NR2F2: variants seen among roughly 807,000 people sequenced by gnomAD.
NR2F2 encodes the protein nuclear receptor subfamily 2 group F member 2.
Under a neutral mutation model 34.8 loss-of-function variants are expected in NR2F2, and 2 were observed. The observed-to-expected ratio is 0.06, with a 90% CI of 0.02 to 0.18. The LOEUF (loss-of-function observed/expected upper bound fraction) is 0.18. Ranked by LOEUF, NR2F2 falls within the 10% of genes least tolerant of loss-of-function variation. The pLI, the probability that NR2F2 is intolerant of heterozygous loss-of-function variation, is 1.00. For synonymous variants in NR2F2, 274 were observed against 251.8 expected (o/e 1.09, Z -0.84); for missense variants, 300 against 580.1 (o/e 0.52, Z 4.96).
In NR2F2 at chr15:96,332,132, C is replaced by T. The variant is rs1292617302; in HGVS notation, c.27C>T (p.Arg9=). The T allele has an allele frequency of 2.2e-6, 3 of 1,357,434 alleles. No homozygotes were observed. The highest frequency in any genetic ancestry group is 3.6e-5 in the Admixed American group (1 of 27,888). The allele number at this position is 1,357,434 out of a possible 1,614,324, so 84.1% of individuals were successfully genotyped here. The change falls in exon 1 of 3, where the codon CGC becomes CGT. Residue 9 remains arginine (R), a synonymous_variant. Coordinates refer to ENST00000394166, the MANE Select transcript of NR2F2 (RefSeq NM_021005.4). ...TGGCAATGGTAGTCAGCACGTGGCGCGACCCCCAGGACGAGGTGCCCGGCT... is the reference window on the plus strand; with the variant it reads ...TGGCAATGGTAGTCAGCACGTGGCGTGACCCCCAGGACGAGGTGCCCGGCT... The part of the protein sequence containing the change: MAMVVSTW[R]DPQDEVPGSQ...
chr15:96,334,302 C>T lies in NR2F2; in HGVS notation c.669C>T (p.Ala223=). 1.2e-6 allele frequency: 2 copies of T among 1,614,244 alleles called. No individual in the cohort carries two copies. Among genetic ancestry groups the T allele is most frequent in the South Asian group, 1.1e-5 (1 of 91,084 alleles). ...TGGCCGCGAGGATGCTCTTCAGCGC[C>T]GTCGAGTGGGCCCGGAACATCCCCT... The part of the protein sequence containing the change: ...CELAARMLFS[A]VEWARNIPFF... Residue 223 remains alanine (A), a synonymous_variant, in exon 2 of 3, where the codon GCC becomes GCT. Coordinates refer to ENST00000394166, the MANE Select transcript of NR2F2 (RefSeq NM_021005.4).
chr15:96,334,239 G>A lies in NR2F2; in HGVS notation c.606G>A (p.Gln202=). ...CGCGCTTCGGCAGCCAATGCATGCA[G>A]CCCAACAACATCATGGGTATCGAGA... ...PTSRFGSQCM[Q]PNNIMGIENI... The change falls in exon 2 of 3, where the codon CAG becomes CAA. Residue 202 remains glutamine (Q), a synonymous_variant. Coordinates refer to ENST00000394166, the MANE Select transcript of NR2F2 (RefSeq NM_021005.4). 6.2e-7 allele frequency: 1 copy of A among 1,614,198 alleles called. No homozygotes were observed. The highest frequency in any genetic ancestry group is 8.5e-7 in the Non-Finnish European group (1 of 1,180,054).
chr15:96,333,283 G>A (rs1428748823), intron 1 of NR2F2: 68 of 962,006 alleles, frequency 7.1e-5, no homozygotes, highest in Non-Finnish European at 8.6e-5. Context: ...CGCGGGCTCC[G>A]GGTTGGGGCG....
Position 96,331,497 on chromosome 15 carries a change from T to G in NR2F2, c.-609T>G. 2 of 1,231,136 alleles carry G rather than the reference T, an allele frequency of 1.6e-6. No individual in the cohort carries two copies. The highest frequency in any genetic ancestry group is 2.0e-6 in the Non-Finnish European group (2 of 987,852). The allele number at this position is 1,231,136 out of a possible 1,614,324, so 76.3% of individuals were successfully genotyped here. On this transcript the variant is annotated 5_prime_UTR_variant, in exon 1 of 3. Coordinates refer to ENST00000394166, the MANE Select transcript of NR2F2 (RefSeq NM_021005.4). ...TCGATGGCTTTCCTGAATGGCTGAC[T>G]GTGGGCTGCCCTGGACTTGGCCCCC...
At chr15:96,335,417 A>G (rs1225768171) in intron 2 of NR2F2, among the ~76,000 whole-genome samples, 2 of 152,240 alleles carry the variant, frequency 1.3e-5, no homozygotes, top group Non-Finnish European at 2.9e-5. Flanking sequence ...AGCTGATACT[A>G]ATTAACTTGA....
upstream of NR2F2, chr15:96,326,438 G>C: frequency 8.3e-7 from 1 of 1,198,530 alleles, no homozygotes; most frequent in Admixed American, 1.8e-5. This position sits in a 1 kb window ranked among gnomAD's most constrained non-coding sequence, Gnocchi z 5.5. Flanking sequence ...ATGACTTGGG[G>C]CTTTTCAAAA....
At chr15:96,333,628 C>G (rs1363259816) in intron 1 of NR2F2, 1 of 1,045,724 alleles carries the variant, frequency 9.6e-7, no homozygotes, top group African/African-American at 1.7e-5. Context: ...CCGGAGTGGC[C>G]ACAGGCCGTC....
In NR2F2 at chr15:96,330,760, T is replaced by G; in HGVS notation, c.-1346T>G. 3 of 812,196 alleles carry G rather than the reference T, an allele frequency of 3.7e-6. No homozygotes were observed. The highest frequency in any genetic ancestry group is 6.5e-5 in the East Asian group (1 of 15,400). The allele number at this position is 812,196 out of a possible 1,614,324, so 50.3% of individuals were successfully genotyped here. On this transcript the variant is annotated 5_prime_UTR_variant, in exon 1 of 3. Coordinates refer to ENST00000394166, the MANE Select transcript of NR2F2 (RefSeq NM_021005.4). ...TCGCATTCCCTCCCGCGCCCCCCTT[T>G]TTAGCATATTTGATCACTTTGATTC...
rs2141164856 is a variant in NR2F2, at chr15:96,330,836, T to C, written c.-1270T>C. The C allele has an allele frequency of 1.7e-6, 2 of 1,152,392 alleles. No homozygotes were observed. Among genetic ancestry groups the C allele is most frequent in the South Asian group, 4.4e-5 (1 of 22,708 alleles). 71.4% of individuals were successfully genotyped at this position (1,152,392 alleles called of 1,614,324 possible). A position where few individuals can be genotyped will look rare whatever the true frequency, so the allele number is the denominator to read the frequency against. On this transcript the variant is annotated 5_prime_UTR_variant, in exon 1 of 3. Transcript: ENST00000394166. The stretch of plus-strand genomic sequence containing the variant: ...TGTGTGCGTGCGCGCGTGTGTGTTT[T>C]CTTCTTCTCCTCCTCCTCTCCCCGA...
At chr15:96,333,825 C>A in intron 1 of NR2F2, 3 of 1,407,832 alleles carry the variant, frequency 2.1e-6, no homozygotes, top group Non-Finnish European at 2.8e-6. Context: ...AATTCTGGGT[C>A]CTCGGCGGAC....
At position 96,334,613 on chromosome 15, in the gene NR2F2, AG is replaced by A; in HGVS notation, c.970+11del. On this transcript the variant is annotated intron_variant, in intron 2 of 2. Transcript: ENST00000394166. ...GTCCTGTTCACCTCAGGTAGGAAGG[AG>A]CCCTGTCTTCTCGTGCCCACGGGCT... The A allele has an allele frequency of 1.3e-6, 2 of 1,577,958 alleles. No homozygotes were observed. The highest frequency in any genetic ancestry group is 1.7e-6 in the Non-Finnish European group (2 of 1,158,302).
At chr15:96,333,925 C>T (rs1288483914) in intron 1 of NR2F2, 151 bp from the exon 2 acceptor site, 1 of 1,475,292 alleles carries the variant, frequency 6.8e-7, no homozygotes, top group South Asian at 1.4e-5. Context: ...TGCCAAGAGC[C>T]TGGCGACTCC....
chr15:96,331,053 G>A lies in NR2F2; in HGVS notation c.-1053G>A. ...TCCCTATGTGTGTGAGGCGGCGGCG[G>A]CAGCAGCAGCAGCAGCGGCTCCGGC... On this transcript the variant is annotated 5_prime_UTR_variant, in exon 1 of 3. Transcript: ENST00000394166. 1.7e-6 allele frequency: 2 copies of A among 1,198,536 alleles called. No individual in the cohort carries two copies. Among genetic ancestry groups the A allele is most frequent in the Non-Finnish European group, 2.1e-6 (2 of 966,266 alleles). 74.2% of individuals were successfully genotyped at this position (1,198,536 alleles called of 1,614,324 possible). A position where few individuals can be genotyped will look rare whatever the true frequency, so the allele number is the denominator to read the frequency against.
At position 96,340,213 on chromosome 15, in the gene NR2F2, AATT is replaced by A. The variant is rs531159015; in HGVS notation, c.*2598_*2600del. On this transcript the variant is annotated 3_prime_UTR_variant, in exon 3 of 3. Transcript: ENST00000394166. ...TTATTGTAAACAGCCATTTGTTGTA[AATT>A]ATTATTGGCATTAAATTATAATTTA... The A allele has an allele frequency of 1.1e-4, 17 of 152,122 alleles. No homozygotes were observed. Among genetic ancestry groups the A allele is most frequent in the Non-Finnish European group, 1.6e-4 (11 of 68,042 alleles). The allele number at this position is 152,122 out of a possible 1,614,324, so 9.4% of individuals were successfully genotyped here.
Position 96,331,247 on chromosome 15 carries a change from G to A in NR2F2, c.-859G>A. ...CCAGCGACTGCGGGCGGCGGCGGCC[G>A]GAGAGAGCGAGGCGCGCGCCGGACG... On this transcript the variant is annotated 5_prime_UTR_variant, in exon 1 of 3. Coordinates refer to ENST00000394166, the MANE Select transcript of NR2F2 (RefSeq NM_021005.4). 1.0e-6 allele frequency: 1 copy of A among 987,914 alleles called. No homozygotes were observed. 61.2% of individuals were successfully genotyped at this position (987,914 alleles called of 1,614,324 possible).
In NR2F2 at chr15:96,331,272, G is replaced by T. The variant is rs920021287; in HGVS notation, c.-834G>T. On this transcript the variant is annotated 5_prime_UTR_variant, in exon 1 of 3. Coordinates refer to ENST00000394166, the MANE Select transcript of NR2F2 (RefSeq NM_021005.4). The stretch of plus-strand genomic sequence containing the variant: ...GGAGAGAGCGAGGCGCGCGCCGGAC[G>T]CCCGGGGCAGGCGGCGGCGGCGGCG... 1 of 1,007,206 alleles carries T rather than the reference G, an allele frequency of 9.9e-7. No homozygotes were observed. The highest frequency in any genetic ancestry group is 4.5e-5 in the South Asian group (1 of 22,264). 62.4% of individuals were successfully genotyped at this position (1,007,206 alleles called of 1,614,324 possible). A position where few individuals can be genotyped will look rare whatever the true frequency, so the allele number is the denominator to read the frequency against.
intron 2 of NR2F2, among the ~76,000 whole-genome samples, chr15:96,335,005 C>T (rs2005636): frequency 0.26 from 38,866 of 152,278 alleles, 5,403 homozygotes; most frequent in East Asian, 0.58. Flanking sequence ...CAGGAGATGC[C>T]CTGGGCAGTG....
intron 1 of NR2F2, chr15:96,333,259 C>T (rs1361966059): frequency 3.5e-5 from 29 of 832,310 alleles, no homozygotes; most frequent in Non-Finnish European, 4.0e-5. Flanking sequence ...GCCAATGGCG[C>T]GCTCGGCGCG....
rs1450668650 is a variant in NR2F2, at chr15:96,338,745, A to T, written c.*1123A>T. On this transcript the variant is annotated 3_prime_UTR_variant, in exon 3 of 3. Transcript: ENST00000394166. ...TTATAATAACTGAACTGTTTGGTCG[A>T]GTCTTTGTGTGTTATATTCCAAGGA... 6.6e-6 allele frequency: 1 copy of T among 152,366 alleles called. No individual in the cohort carries two copies. The highest frequency in any genetic ancestry group is 1.5e-5 in the Non-Finnish European group (1 of 68,018). The allele number at this position is 152,366 out of a possible 1,614,324, so 9.4% of individuals were successfully genotyped here.
Sources: allele counts gnomAD v4.1 joint callset (sites outside exome capture counted in the v4.1 genomes callset), GRCh38; gene constraint gnomAD v4.1.1; non-coding constraint Gnocchi (gnomAD v3.1); transcripts MANE v1.5; gene names NCBI Gene and HGNC (gene_info 2026-07-23, HGNC 2026-07-21).